Variants in WDR45B observed in about 807,000 individuals in gnomAD.
WDR45B encodes the protein WD repeat domain phosphoinositide-interacting protein 3.
In WDR45B, 20 loss-of-function variants were observed where a neutral mutation model predicts 44.6. That is an observed-to-expected ratio of 0.45 (90% CI 0.32 to 0.65). WDR45B has a LOEUF of 0.65. Among genes scored for constraint, WDR45B ranks in the 30% least tolerant of loss-of-function variants. WDR45B has a pLI of 0.05. For synonymous variants in WDR45B, 169 were observed against 164.9 expected, an observed-to-expected ratio of 1.02 and a Z score of -0.19; for missense variants, 323 against 430.2, an observed-to-expected ratio of 0.75 and a Z score of 2.20.
At chr17:82,634,470 C>T (rs1025279102) in intron 2 of WDR45B, among the ~76,000 whole-genome samples, 3 of 150,328 alleles carry the variant, frequency 2.0e-5, no homozygotes, top group African/African-American at 2.5e-5. Flanking sequence ...CCAGCCTGGG[C>T]GACAGGGCGA....
intron 6 of WDR45B, among the ~76,000 whole-genome samples, chr17:82,620,076 C>T (rs970698050): frequency 2.6e-5 from 4 of 152,216 alleles, no homozygotes; most frequent in African/African-American, 9.6e-5. Context: ...TACAGAGGAA[C>T]CGCATTTCTA....
chr17:82,636,042 G>A (rs1049045164), intron 2 of WDR45B, among the ~76,000 whole-genome samples: 3 of 151,160 alleles, frequency 2.0e-5, no homozygotes, highest in Non-Finnish European at 4.4e-5. Flanking sequence ...AGCCGAGATC[G>A]CGTCACTGCA....
chr17:82,640,064 A>T (rs1036688319), intron 2 of WDR45B, among the ~76,000 whole-genome samples: 1 of 136,136 alleles, frequency 7.3e-6, no homozygotes, highest in African/African-American at 2.7e-5. Context: ...GGGTTGGACA[A>T]CACTGCCCCC....
intron 3 of WDR45B, chr17:82,629,886 G>A: frequency 1.0e-6 from 1 of 985,180 alleles, no homozygotes; most frequent in African/African-American, 1.7e-5. Flanking sequence ...CTTCCCATTT[G>A]GCATGCGGCG....
chr17:82,629,074 C>A (rs1306719029), intron 3 of WDR45B, among the ~76,000 whole-genome samples: 2 of 152,156 alleles, frequency 1.3e-5, no homozygotes, highest in Non-Finnish European at 2.9e-5. Flanking sequence ...TACATTTACT[C>A]AAAAACCTGC....
intron 2 of WDR45B, among the ~76,000 whole-genome samples, chr17:82,635,100 T>G (rs1481574500): frequency 1.3e-5 from 2 of 152,042 alleles, no homozygotes; most frequent in Non-Finnish European, 2.9e-5. Flanking sequence ...TGTGAATATA[T>G]TCAACATTAC....
At chr17:82,627,556 C>T (rs555955717) in intron 3 of WDR45B, among the ~76,000 whole-genome samples, 31 of 152,378 alleles carry the variant, frequency 2.0e-4, no homozygotes, top group African/African-American at 7.0e-4. Context: ...GCTCCCTCCC[C>T]GCCCATTCCT....
At chr17:82,631,775 G>T (rs2045771631) in intron 2 of WDR45B, among the ~76,000 whole-genome samples, 1 of 151,690 alleles carries the variant, frequency 6.6e-6, no homozygotes, top group African/African-American at 2.4e-5. Flanking sequence ...TGAAATACTT[G>T]AATTCACATT....
At chr17:82,619,928 G>A (rs1244388425) in intron 6 of WDR45B, among the ~76,000 whole-genome samples, 1 of 152,152 alleles carries the variant, frequency 6.6e-6, no homozygotes, top group Non-Finnish European at 1.5e-5. Flanking sequence ...AACCCGGAGG[G>A]CACCGCTGCG....
Position 82,626,533 on chromosome 17 carries a change from C to CAAAAAAAAAAAA in WDR45B, c.332+659_332+670dup, listed in dbSNP as rs562186058. On this transcript the variant is annotated intron_variant, in intron 4 of 9. Transcript: ENST00000392325. ...GGCAACAGAGCAAGACTCTATCTCC[C>CAAAAAAAAAAAA]AAAAAAAAAAAAAAAAAAAAAAAAA... Among the ~76,000 whole-genome samples, 50 of 79,448 alleles carry CAAAAAAAAAAAA rather than the reference C, an allele frequency of 6.3e-4. 5 individuals carry two copies. Among genetic ancestry groups the CAAAAAAAAAAAA allele is most frequent in the African/African-American group, 3.1e-3 (42 of 13,670 alleles). 52.1% of individuals were successfully genotyped at this position (79,448 alleles called of 152,430 possible). A position where few individuals can be genotyped will look rare whatever the true frequency, so the allele number is the denominator to read the frequency against.
intron 7 of WDR45B, among the ~76,000 whole-genome samples, chr17:82,617,862 T>C (rs72852043): frequency 9.8e-4 from 149 of 152,214 alleles, no homozygotes; most frequent in Admixed American, 1.6e-3. Flanking sequence ...AGGGATGTGC[T>C]ATGCACACCA....
At chr17:82,640,401 A>G (rs1311912141) in intron 2 of WDR45B, among the ~76,000 whole-genome samples, 1 of 150,324 alleles carries the variant, frequency 6.7e-6, no homozygotes, top group Non-Finnish European at 1.5e-5. Flanking sequence ...ATCAGGCTGC[A>G]GTGCAGTGGC....
At chr17:82,617,115 C>G (rs1021415836) in intron 8 of WDR45B, among the ~76,000 whole-genome samples, 181 bp downstream of exon 8, 5 of 152,170 alleles carry the variant, frequency 3.3e-5, no homozygotes, top group Admixed American at 3.3e-4. Flanking sequence ...CTGTGCCCAG[C>G]CTGCACTGAT....
chr17:82,645,864 T>G (rs1025596734), intron 1 of WDR45B, among the ~76,000 whole-genome samples: 6 of 152,194 alleles, frequency 3.9e-5, no homozygotes, highest in Admixed American at 1.3e-4. Flanking sequence ...GGCTCACACC[T>G]GTAATCCCAG....
chr17:82,643,984 T>G lies in WDR45B; in HGVS notation c.107A>C (p.Tyr36Ser). The G allele has an allele frequency of 6.2e-7, 1 of 1,614,200 alleles. No homozygotes were observed. Among genetic ancestry groups the G allele is most frequent in the Non-Finnish European group, 8.5e-7 (1 of 1,180,038 alleles). The change falls in exon 2 of 10, where the codon TAT becomes TCT. Residue 36 changes from tyrosine (Y) to serine (S), a missense_variant. By Grantham distance (144) the Tyr-to-Ser change is moderately radical. Transcript: ENST00000392325. ...TTTTTCTTTTAGTGGATCAGTGTTA[T>G]AGACTCGGAATCCATTTTCCATCCC... ...ACGMENGFRV[Y>S]NTDPLKEKEK...
chr17:82,636,819 A>G (rs996458422), intron 2 of WDR45B, among the ~76,000 whole-genome samples: 1 of 151,888 alleles, frequency 6.6e-6, no homozygotes, highest in Admixed American at 6.6e-5. Flanking sequence ...TCCCTTGGTT[A>G]CCTGTACACA....
At chr17:82,647,224 G>GAAAT (rs768350376) in intron 1 of WDR45B, among the ~76,000 whole-genome samples, 6 of 152,268 alleles carry the variant, frequency 3.9e-5, no homozygotes, top group East Asian at 1.9e-4. Context: ...GTCTCAAAAT[G>GAAAT]AAATAAATAA....
At chr17:82,635,009 C>G (rs1309092403) in intron 2 of WDR45B, among the ~76,000 whole-genome samples, 1 of 151,952 alleles carries the variant, frequency 6.6e-6, no homozygotes, top group Non-Finnish European at 1.5e-5. Flanking sequence ...ACGGTGGTTA[C>G]TAGGAGACAG....
chr17:82,628,455 A>C (rs1454096373), intron 3 of WDR45B, among the ~76,000 whole-genome samples: 3 of 145,832 alleles, frequency 2.1e-5, no homozygotes, highest in Admixed American at 2.0e-4. Flanking sequence ...GAACCACAGG[A>C]GGGATGGGTG....
Sources: allele counts gnomAD v4.1 joint callset (sites outside exome capture counted in the v4.1 genomes callset), GRCh38; gene constraint gnomAD v4.1.1; transcripts MANE v1.5; gene names NCBI Gene and HGNC (gene_info 2026-07-23, HGNC 2026-07-21).